The following CPQ variants were observed in gnomAD, a reference collection of about 807,000 sequenced individuals.
CPQ encodes the protein carboxypeptidase Q.
CPQ carries 37 observed loss-of-function variants against 45.7 expected under a neutral mutation model. The ratio of observed to expected loss-of-function variants is 0.81; its 90% CI spans 0.62 to 1.07. The LOEUF is 1.07. Ranked by LOEUF, CPQ falls within the 50% of genes least tolerant of loss-of-function variation. CPQ has a pLI of 0.00. For missense variants in CPQ, 537 were observed against 572.9 expected (o/e 0.94, Z 0.64); for synonymous variants, 186 against 205.8 (o/e 0.90, Z 0.82).
At position 96,835,098 on chromosome 8, in the gene CPQ, C is replaced by T. The variant is rs370628358; in HGVS notation, c.559C>T (p.Arg187Ter). The T allele has an allele frequency of 3.1e-5, 49 of 1,602,992 alleles. No homozygotes were observed. The Admixed American group carries it at 4.1e-4, about 13-fold the overall frequency. The stretch of plus-strand genomic sequence containing the variant: ...CAACTACTCAAGGACGGTGCAATAC[C>T]GAACGCAGGGGGCGGTGGAAGCTGC... ...YINYSRTVQY[R>*]TQGAVEAAKV... is the part of the protein sequence containing the mutation. Residue 187 changes from arginine to a stop codon, truncating the protein, a stop_gained, in exon 3 of 8, where the codon CGA becomes TGA. Transcript: ENST00000220763. LOFTEE classifies it high-confidence loss of function.
intron 6 of CPQ, among the ~76,000 whole-genome samples, chr8:97,049,212 G>A (rs1306892774): frequency 6.6e-6 from 1 of 152,038 alleles, no homozygotes; most frequent in African/African-American, 2.4e-5. Context: ...TTTTTCTTAT[G>A]ACTACTCTGA....
At chr8:97,028,961 C>T (rs1809847741) in intron 5 of CPQ, among the ~76,000 whole-genome samples, 1 of 152,092 alleles carries the variant, frequency 6.6e-6, no homozygotes, top group South Asian at 2.1e-4. Flanking sequence ...TATATTCAGA[C>T]TAAAAAGTAA....
chr8:97,009,321 C>T (rs1248332864), intron 5 of CPQ, among the ~76,000 whole-genome samples: 2 of 152,162 alleles, frequency 1.3e-5, no homozygotes, highest in African/African-American at 4.8e-5. Flanking sequence ...TTGACCAGTT[C>T]CAGCATTCTT....
At chr8:96,776,303 A>T (rs1810603863) in intron 1 of CPQ, among the ~76,000 whole-genome samples, 1 of 152,184 alleles carries the variant, frequency 6.6e-6, no homozygotes, top group African/African-American at 2.4e-5. Context: ...TCTGTCTGTT[A>T]CACATTCTAG....
At chr8:96,971,553 G>A (rs1171974437) in intron 5 of CPQ, among the ~76,000 whole-genome samples, 2 of 152,076 alleles carry the variant, frequency 1.3e-5, no homozygotes, top group Non-Finnish European at 2.9e-5. Flanking sequence ...TACGCTTTCT[G>A]CACAATTATT....
Position 96,937,641 on chromosome 8 carries a change from G to A in CPQ, c.850-28294G>A, listed in dbSNP as rs184969078. On this transcript the variant is annotated intron_variant, in intron 4 of 7. Coordinates refer to ENST00000220763, the MANE Select transcript of CPQ (RefSeq NM_016134.4). ...GCTCAGCCTGCACAGGGCTTGGGAC[G>A]TGAGCTTTGTATGCACAGTGCAGTC... Among the ~76,000 whole-genome samples, 113 of 152,260 alleles carry A rather than the reference G, an allele frequency of 7.4e-4. 1 individual carries two copies. The highest frequency in any genetic ancestry group is 4.1e-3 in the East Asian group (21 of 5,170).
rs56044076 is a variant in CPQ at position 96,710,603 on chromosome 8, G to A, written c.-35+65201G>A. ...TTTCCATTTTGATTTCATTGCTACC[G>A]CAAAAATCATTCAGGAGCTGATTGC... is the stretch of plus-strand genomic sequence containing the variant. On this transcript the variant is annotated intron_variant, in intron 1 of 7. Transcript: ENST00000220763. Among the ~76,000 whole-genome samples the A allele has an allele frequency of 5.3e-3, 813 of 152,026 alleles. 8 individuals are homozygous for A. The highest frequency in any genetic ancestry group is 9.1e-3 in the Non-Finnish European group (619 of 67,934).
chr8:96,887,451 T>C (rs764077943), intron 4 of CPQ, among the ~76,000 whole-genome samples: 4 of 152,206 alleles, frequency 2.6e-5, no homozygotes, highest in Non-Finnish European at 5.9e-5. Flanking sequence ...GTGGACCTGC[T>C]CTGACTTTAG....
chr8:96,937,485 A>T (rs1813067371), intron 4 of CPQ, among the ~76,000 whole-genome samples: 1 of 152,140 alleles, frequency 6.6e-6, no homozygotes, highest in African/African-American at 2.4e-5. Flanking sequence ...CATAATCAAG[A>T]AACGCCTCCA....
At chr8:96,665,093 A>G (rs532175689) in intron 1 of CPQ, among the ~76,000 whole-genome samples, 2 of 152,348 alleles carry the variant, frequency 1.3e-5, no homozygotes, top group South Asian at 4.1e-4. Flanking sequence ...GACATTCAAC[A>G]TGACCTGTGA....
At chr8:96,980,588 C>CA (rs1813876092) in intron 5 of CPQ, among the ~76,000 whole-genome samples, 1 of 152,100 alleles carries the variant, frequency 6.6e-6, no homozygotes, top group African/African-American at 2.4e-5. Flanking sequence ...TTCTAATTGC[C>CA]AAAACAGCAG....
chr8:96,730,704 G>A (rs1047716739), intron 1 of CPQ, among the ~76,000 whole-genome samples: 1 of 151,470 alleles, frequency 6.6e-6, no homozygotes, highest in Non-Finnish European at 1.5e-5. Flanking sequence ...CATCACCTGG[G>A]AACTCTAAAA....
chr8:96,730,711 A>C (rs1298369068), intron 1 of CPQ, among the ~76,000 whole-genome samples: 1 of 151,658 alleles, frequency 6.6e-6, no homozygotes, highest in Non-Finnish European at 1.5e-5. Context: ...TGGGAACTCT[A>C]AAACACACTG....
chr8:96,823,416 T>C (rs1302009703), intron 2 of CPQ, among the ~76,000 whole-genome samples: 10 of 152,058 alleles, frequency 6.6e-5, no homozygotes, highest in Non-Finnish European at 8.8e-5. Context: ...TTTCCTATTA[T>C]GGACATTGTG....
chr8:96,816,582 A>G (rs1360457150), intron 2 of CPQ, among the ~76,000 whole-genome samples: 2 of 152,162 alleles, frequency 1.3e-5, no homozygotes, highest in Non-Finnish European at 2.9e-5. Flanking sequence ...TTGTTGATTT[A>G]CTTTGCTTAG....
chr8:96,715,754 C>T (rs1809665411), intron 1 of CPQ, among the ~76,000 whole-genome samples: 1 of 152,164 alleles, frequency 6.6e-6, no homozygotes, highest in African/African-American at 2.4e-5. Flanking sequence ...TCTTTTGTCC[C>T]ATGGGGTGCT....
At chr8:96,928,522 A>G (rs1812923119) in intron 4 of CPQ, among the ~76,000 whole-genome samples, 1 of 152,032 alleles carries the variant, frequency 6.6e-6, no homozygotes, top group African/African-American at 2.4e-5. Context: ...AAACATGTTT[A>G]TCAGATGCTT....
At chr8:96,901,251 G>GAGCT (rs1812509214) in intron 4 of CPQ, among the ~76,000 whole-genome samples, 1 of 152,160 alleles carries the variant, frequency 6.6e-6, no homozygotes, top group African/African-American at 2.4e-5. Context: ...TTTAGTCTCA[G>GAGCT]AGCTGCTCAT....
At chr8:96,880,051 A>G (rs1341999943) in intron 4 of CPQ, 46 bp downstream of exon 4, 3 of 1,530,290 alleles carry the variant, frequency 2.0e-6, no homozygotes, top group South Asian at 2.3e-5. Context: ...TTCCTGGTCT[A>G]GTTTGAGTTA....
Sources: gnomAD v4.1 joint callset for allele counts (sites outside exome capture counted in the v4.1 genomes callset) on GRCh38, gnomAD v4.1.1 for gene constraint, MANE v1.5 for transcripts, NCBI Gene and HGNC (gene_info 2026-07-23, HGNC 2026-07-21) for gene names.